The following MYO9A variants were observed in gnomAD, a reference collection of about 807,000 sequenced individuals.
MYO9A encodes the protein unconventional myosin-IXa.
MYO9A carries 103 observed loss-of-function variants against 293.3 expected under a neutral mutation model. The observed-to-expected ratio is 0.35, with a 90% confidence interval of 0.30 to 0.41. MYO9A has a LOEUF of 0.41. Among genes scored for constraint, MYO9A ranks in the 10% least tolerant of loss-of-function variants. The probability of loss-of-function intolerance (pLI) is 1.00; values close to 1 mark genes in which losing one functional copy is unlikely to be tolerated. For synonymous variants in MYO9A, 1,001 were observed against 1,035.7 expected (o/e 0.97, Z 0.64); for missense variants, 2,685 against 3,033.0 (o/e 0.89, Z 2.69).
intron 15 of MYO9A, among the ~76,000 whole-genome samples, chr15:71,944,371 T>C (rs1047254834): frequency 3.3e-5 from 5 of 152,176 alleles, no homozygotes; most frequent in African/African-American, 1.2e-4. Flanking sequence ...TGTTAATTTT[T>C]TCCTTTTATA....
chr15:71,974,323 T>C (rs1250225780), intron 12 of MYO9A, among the ~76,000 whole-genome samples: 1 of 152,176 alleles, frequency 6.6e-6, no homozygotes, highest in African/African-American at 2.4e-5. Context: ...AGGGCTGGCT[T>C]GCATGCTTTC....
chr15:71,867,115 T>C (rs569831714), intron 32 of MYO9A, among the ~76,000 whole-genome samples: 1 of 146,670 alleles, frequency 6.8e-6, no homozygotes, highest in Non-Finnish European at 1.5e-5. Flanking sequence ...ACAAGCATAA[T>C]GGGAAATTTA....
chr15:71,959,008 A>T (rs2059265412), intron 14 of MYO9A: 1 of 152,212 alleles, frequency 6.6e-6, no homozygotes, highest in Non-Finnish European at 1.5e-5. Flanking sequence ...GGTTTTCTTG[A>T]TTAGAAGTTT....
rs201900401 is a variant in MYO9A at position 71,866,153 on chromosome 15, AATG to A, written c.5980-3545_5980-3543del. Among the ~76,000 whole-genome samples, 166 of 152,302 alleles carry A rather than the reference AATG, an allele frequency of 1.1e-3. 3 individuals are homozygous for A. In the East Asian group the frequency reaches 0.03, roughly 28 times the overall value. On this transcript the variant is annotated intron_variant, in intron 32 of 41. Transcript: ENST00000356056. ...TTGTGTCAACTCAATGAAAAAGGAA[AATG>A]ATGTTTTATTATTACAAAAAGAGTT...
At chr15:72,054,030 T>C (rs2078647667) in intron 1 of MYO9A, among the ~76,000 whole-genome samples, 3 of 152,204 alleles carry the variant, frequency 2.0e-5, no homozygotes, top group African/African-American at 4.8e-5. Context: ...AATTCAACTA[T>C]CTGCTGTTTT....
At chr15:71,830,973 C>A (rs1351616402) in intron 39 of MYO9A, among the ~76,000 whole-genome samples, 1 of 103,080 alleles carries the variant, frequency 9.7e-6, no homozygotes, top group African/African-American at 3.9e-5. Context: ...CTGCTTCTTC[C>A]TTTTTTTTTT....
intron 1 of MYO9A, among the ~76,000 whole-genome samples, chr15:72,094,269 G>A (rs548125006): frequency 4.6e-5 from 4 of 86,822 alleles, no homozygotes; most frequent in African/African-American, 1.1e-4. Flanking sequence ...AGGAGGAGGA[G>A]GAATAAAAGA....
intron 1 of MYO9A, among the ~76,000 whole-genome samples, chr15:72,079,657 G>A (rs1436342549): frequency 6.6e-6 from 1 of 152,182 alleles, no homozygotes; most frequent in Non-Finnish European, 1.5e-5. Context: ...ACACTACTGT[G>A]AAGGGAATGA....
chr15:72,037,261 C>CAAAAAAAAAAAAAAAAAAAAAAAA (rs61042231), intron 2 of MYO9A, among the ~76,000 whole-genome samples: 1 of 74,286 alleles, frequency 1.3e-5, no homozygotes, highest in African/African-American at 5.2e-5. Flanking sequence ...CAGAATGGGG[C>CAAAAAAAAAAAAAAAAAAAAAAAA]AAAAAAAAAA....
intron 39 of MYO9A, chr15:71,847,323 G>T (rs2055429956): frequency 7.7e-6 from 3 of 387,488 alleles, no homozygotes; most frequent in Non-Finnish European, 1.1e-5. Context: ...AGGGTGGACA[G>T]GCATGAATGA....
At chr15:71,970,262 T>C (rs751192794) in intron 12 of MYO9A, among the ~76,000 whole-genome samples, 2 of 152,174 alleles carry the variant, frequency 1.3e-5, no homozygotes, top group Non-Finnish European at 2.9e-5. Flanking sequence ...TCTGATACAA[T>C]ATTCCTCCTT....
chr15:71,938,820 C>T lies in MYO9A; in HGVS notation c.2378+32G>A, dbSNP rs200395398. ...AAGAATGTTAGTTATTTCTTCTATA[C>T]GTCCTTGAAAACATAAACCAAACAC... is the stretch of plus-strand genomic sequence containing the variant. On this transcript the variant is annotated intron_variant, in intron 16 of 41. Transcript: ENST00000356056. 1.5e-4 allele frequency: 224 copies of T among 1,523,686 alleles called. 3 individuals are homozygous for T. Among genetic ancestry groups the T allele is most frequent in the South Asian group, 1.1e-3 (95 of 83,428 alleles). The allele number at this position is 1,523,686 out of a possible 1,614,324, so 94.4% of individuals were successfully genotyped here. A position where few individuals can be genotyped will look rare whatever the true frequency, so the allele number is the denominator to read the frequency against.
chr15:72,003,542 TA>T (rs879407340), intron 8 of MYO9A, among the ~76,000 whole-genome samples: 79 of 140,780 alleles, frequency 5.6e-4, no homozygotes, highest in Admixed American at 7.1e-4. Context: ...TAAAAATACA[TA>T]AAAAAAAAAA....
chr15:72,067,570 C>G (rs891890137), intron 1 of MYO9A, among the ~76,000 whole-genome samples: 19 of 152,166 alleles, frequency 1.2e-4, no homozygotes, highest in Admixed American at 2.0e-4. Flanking sequence ...CGTGAGCCAC[C>G]ATGCCCAGCC....
At chr15:71,977,895 G>C (rs1175443616) in intron 12 of MYO9A, among the ~76,000 whole-genome samples, 1 of 152,146 alleles carries the variant, frequency 6.6e-6, no homozygotes, top group East Asian at 1.9e-4. Context: ...AAATTAGCCA[G>C]GCATGGTGGC....
chr15:72,081,807 C>T (rs1445474309), intron 1 of MYO9A, among the ~76,000 whole-genome samples: 5 of 152,164 alleles, frequency 3.3e-5, no homozygotes, highest in African/African-American at 1.2e-4. Flanking sequence ...AGTCCTTTGC[C>T]CATTGCTTGT....
At position 72,100,282 on chromosome 15, in the gene MYO9A, C is replaced by T. The variant is rs556424419; in HGVS notation, c.-72+17398G>A. Among the ~76,000 whole-genome samples, 5 of 152,230 alleles carry T rather than the reference C, an allele frequency of 3.3e-5. No individual in the cohort carries two copies. The South Asian group carries it at 8.3e-4, about 25-fold the overall frequency. Reference sequence around the variant, plus strand: ...CTGGAATCCCAGCACTTTGAGAGGCCGAGGCGTGCAGATCACTCTGAGCTA... The same window carrying T: ...CTGGAATCCCAGCACTTTGAGAGGCTGAGGCGTGCAGATCACTCTGAGCTA... On this transcript the variant is annotated intron_variant, in intron 1 of 41. Transcript: ENST00000356056.
chr15:71,842,022 T>C (rs1169384096), intron 39 of MYO9A, among the ~76,000 whole-genome samples: 1 of 152,124 alleles, frequency 6.6e-6, no homozygotes, highest in African/African-American at 2.4e-5. Context: ...AAGAACTCTC[T>C]TTCTCTCTAT....
At chr15:71,938,822 T>C in intron 16 of MYO9A, 30 bp downstream of exon 16, 1 of 1,540,146 alleles carries the variant, frequency 6.5e-7, no homozygotes. Context: ...CTTCTATACG[T>C]CCTTGAAAAC....
Sources: allele counts gnomAD v4.1 joint callset (sites outside exome capture counted in the v4.1 genomes callset), GRCh38; gene constraint gnomAD v4.1.1; transcripts MANE v1.5; gene names NCBI Gene and HGNC (gene_info 2026-07-23, HGNC 2026-07-21).